Variants in KYAT1 observed in about 807,000 individuals in gnomAD.
The protein encoded by KYAT1 is kynurenine aminotransferase 1.
In KYAT1, 47 loss-of-function variants were observed where a neutral mutation model predicts 52.4. The observed-to-expected ratio is 0.90, with a 90% CI of 0.71 to 1.14. The LOEUF is 1.14. Ranked by LOEUF, KYAT1 falls within the 50% of genes most tolerant of loss-of-function variation. The pLI is 0.00. For synonymous variants in KYAT1, 212 were observed against 209.6 expected (o/e 1.01, Z -0.10); for missense variants, 480 against 557.9 (o/e 0.86, Z 1.41).
intron 1 of KYAT1, among the ~76,000 whole-genome samples, chr9:128,874,367 A>G (rs1837659934): frequency 6.8e-6 from 1 of 147,142 alleles, no homozygotes; most frequent in Non-Finnish European, 1.5e-5. Flanking sequence ...GCTGGAGTGC[A>G]GTGGTGTGAT....
intron 1 of KYAT1, among the ~76,000 whole-genome samples, chr9:128,858,042 G>C (rs536338697): frequency 1.7e-3 from 258 of 152,168 alleles, no homozygotes; most frequent in African/African-American, 5.9e-3. Context: ...TGAAAAGACA[G>C]CCCATGGAAT....
At chr9:128,852,037 G>A (rs114125557) in intron 1 of KYAT1, among the ~76,000 whole-genome samples, 2 of 152,076 alleles carry the variant, frequency 1.3e-5, no homozygotes, top group South Asian at 2.1e-4. Flanking sequence ...ATTCAGACTC[G>A]CCCTGCAGTG....
chr9:128,836,206 A>C, intron 7 of KYAT1, 133 bp from the exon 8 acceptor site: 1 of 604,574 alleles, frequency 1.7e-6, no homozygotes, highest in Non-Finnish European at 2.8e-6. Context: ...TTATTTGCAC[A>C]ATTTTTTTTC....
upstream of KYAT1, chr9:128,882,343 C>T (rs1434588204): frequency 1.1e-5 from 2 of 184,822 alleles, no homozygotes; most frequent in Non-Finnish European, 2.2e-5. Context: ...CCGGGGCGCC[C>T]GGGGCATCTG....
At chr9:128,846,161 G>C (rs1478311255) in intron 1 of KYAT1, among the ~76,000 whole-genome samples, 2 of 152,238 alleles carry the variant, frequency 1.3e-5, no homozygotes, top group Non-Finnish European at 2.9e-5. Context: ...GGGCACAGTG[G>C]CTCACGCCTG....
chr9:128,874,607 G>A (rs1423662540), intron 1 of KYAT1, among the ~76,000 whole-genome samples: 1 of 149,830 alleles, frequency 6.7e-6, no homozygotes, highest in African/African-American at 2.5e-5. Context: ...CACTGCACCT[G>A]ACATCTTCTA....
At chr9:128,843,472 G>A (rs1041668654) in intron 2 of KYAT1, among the ~76,000 whole-genome samples, 3 of 150,548 alleles carry the variant, frequency 2.0e-5, no homozygotes, top group South Asian at 2.1e-4. Context: ...TCCGCCTCCC[G>A]AGGTCAAGCG....
chr9:128,868,179 T>C (rs1198987890), intron 1 of KYAT1, among the ~76,000 whole-genome samples: 1 of 149,328 alleles, frequency 6.7e-6, no homozygotes, highest in Non-Finnish European at 1.5e-5. Flanking sequence ...TATGGCCCAC[T>C]AATTTTTTTT....
In KYAT1 at chr9:128,837,697, GT is replaced by G; in HGVS notation, c.554del (p.Asn185ThrfsTer56). On this transcript the variant is annotated frameshift_variant, in exon 6 of 13. Transcript: ENST00000302586. LOFTEE classifies it high-confidence loss of function. ...TKALVLNTPN[N>X]PLGKVFSREE... Reference sequence around the variant, plus strand: ...GTCCCTCCAGTACCTTGCCCAGGGGGTTGTTGGGGGTGTTGAGGACCAGGGC... The same window carrying G: ...GTCCCTCCAGTACCTTGCCCAGGGGGTGTTGGGGGTGTTGAGGACCAGGGC... The G allele has an allele frequency of 6.2e-7, 1 of 1,614,162 alleles. No homozygotes were observed. Among genetic ancestry groups the G allele is most frequent in the Admixed American group, 1.7e-5 (1 of 60,030 alleles).
chr9:128,879,350 A>G (rs975571469), intron 1 of KYAT1, among the ~76,000 whole-genome samples: 3 of 151,142 alleles, frequency 2.0e-5, no homozygotes, highest in African/African-American at 4.9e-5. Context: ...TGGCAGTGCC[A>G]TCCAGGAGTG....
intron 9 of KYAT1, 46 bp from the exon 10 acceptor site, chr9:128,835,713 C>T (rs759021492): frequency 3.4e-5 from 54 of 1,604,882 alleles, no homozygotes; most frequent in South Asian, 1.1e-4. Flanking sequence ...TGTTCCCTGA[C>T]GCGGGGGCCA....
At chr9:128,875,480 G>A (rs990292237) in intron 1 of KYAT1, among the ~76,000 whole-genome samples, 11 of 152,014 alleles carry the variant, frequency 7.2e-5, no homozygotes, top group Admixed American at 5.2e-4. Context: ...GGGTGTGGTG[G>A]TGGGCACCTG....
At chr9:128,841,198 A>G (rs1303609856) in intron 3 of KYAT1, among the ~76,000 whole-genome samples, 1 of 150,990 alleles carries the variant, frequency 6.6e-6, no homozygotes, top group Non-Finnish European at 1.5e-5. Context: ...GGTGAAACCC[A>G]GTATCCACTA....
chr9:128,848,231 A>C (rs994399688), intron 1 of KYAT1, among the ~76,000 whole-genome samples: 1 of 151,764 alleles, frequency 6.6e-6, no homozygotes, highest in Admixed American at 6.6e-5. Context: ...AAGTGGGAGA[A>C]TCACTTGATC....
chr9:128,875,582 C>T (rs934130995), intron 1 of KYAT1, among the ~76,000 whole-genome samples: 12 of 151,168 alleles, frequency 7.9e-5, no homozygotes, highest in Non-Finnish European at 1.3e-4. Context: ...CACTGCACTC[C>T]AGCCTGACAG....
At chr9:128,879,234 C>T (rs937013884) in intron 1 of KYAT1, among the ~76,000 whole-genome samples, 1 of 151,726 alleles carries the variant, frequency 6.6e-6, no homozygotes, top group Non-Finnish European at 1.5e-5. Context: ...GGAGTGAACC[C>T]GGGAGGTGGA....
intron 11 of KYAT1, 60 bp downstream of exon 11, chr9:128,835,263 C>G: frequency 1.4e-6 from 2 of 1,445,500 alleles, no homozygotes; most frequent in Non-Finnish European, 1.9e-6. Flanking sequence ...GCCTGGGCAC[C>G]CTTGAGCAGC....
chr9:128,871,354 A>C (rs1481866884), intron 1 of KYAT1, among the ~76,000 whole-genome samples: 1 of 151,902 alleles, frequency 6.6e-6, no homozygotes, highest in African/African-American at 2.4e-5. Context: ...AAACAAACAA[A>C]AAGGGCAGGT....
intron 11 of KYAT1, 36 bp from the exon 12 acceptor site, chr9:128,833,862 C>A: frequency 6.3e-7 from 1 of 1,577,342 alleles, no homozygotes; most frequent in South Asian, 1.1e-5. Flanking sequence ...AACACGGCCT[C>A]GTGGCCCAGC....
Sources: gnomAD v4.1 joint callset for allele counts (sites outside exome capture counted in the v4.1 genomes callset) on GRCh38, gnomAD v4.1.1 for gene constraint, MANE v1.5 for transcripts, NCBI Gene and HGNC (gene_info 2026-07-23, HGNC 2026-07-21) for gene names.